Variants in RARB observed in about 807,000 individuals in gnomAD.
RARB encodes retinoic acid receptor beta.
In RARB, 17 loss-of-function variants were observed where a neutral mutation model predicts 51.9. The observed-to-expected ratio is 0.33, with a 90% CI of 0.22 to 0.49. The LOEUF (loss-of-function observed/expected upper bound fraction) is 0.49, where lower values mean the gene tolerates loss of function less well. Ranked by LOEUF, RARB falls within the 20% of genes least tolerant of loss-of-function variation. The pLI, the probability that RARB is intolerant of heterozygous loss-of-function variation, is 0.99. For synonymous variants in RARB, 215 were observed against 195.4 expected, an observed-to-expected ratio of 1.10 and a Z score of -0.84; for missense variants, 369 against 550.8, an observed-to-expected ratio of 0.67 and a Z score of 3.30.
chr3:24,890,036 G>A (rs1320715338), intron 2 of RARB, among the ~76,000 whole-genome samples: 1 of 152,100 alleles, frequency 6.6e-6, no homozygotes, highest in African/African-American at 2.4e-5. Context: ...GTAATTACAT[G>A]TATAGCAGCT....
At chr3:25,122,694 A>G (rs1185581278) in intron 3 of RARB, among the ~76,000 whole-genome samples, 1 of 152,166 alleles carries the variant, frequency 6.6e-6, no homozygotes, top group Non-Finnish European at 1.5e-5. Flanking sequence ...CACGGCAAGT[A>G]AGGCTGGAAA....
intron 5 of RARB, among the ~76,000 whole-genome samples, chr3:25,402,438 C>T (rs962633838): frequency 1.2e-4 from 18 of 152,342 alleles, no homozygotes; most frequent in Non-Finnish European, 2.2e-4. Context: ...TGTGATCTAG[C>T]AATCCCACTG....
At chr3:25,451,316 CTA>C (rs1014180371) in intron 1 of RARB, among the ~76,000 whole-genome samples, 4 of 152,220 alleles carry the variant, frequency 2.6e-5, no homozygotes, top group Non-Finnish European at 5.9e-5. Context: ...AAATAAAACT[CTA>C]TGGCCATTTG....
chr3:25,396,410 T>A (rs1707115545), intron 5 of RARB, among the ~76,000 whole-genome samples: 1 of 152,248 alleles, frequency 6.6e-6, no homozygotes, highest in Non-Finnish European at 1.5e-5. Context: ...TGGAATCAAC[T>A]GTTGTTTTCT....
At chr3:25,027,419 T>C (rs1294143072) in intron 2 of RARB, among the ~76,000 whole-genome samples, 1 of 151,840 alleles carries the variant, frequency 6.6e-6, no homozygotes, top group African/African-American at 2.4e-5. Context: ...AAATACATCT[T>C]CCCCCCCATA....
chr3:25,168,983 C>T (rs1425735844), intron 4 of RARB, among the ~76,000 whole-genome samples: 1 of 152,136 alleles, frequency 6.6e-6, no homozygotes, highest in Non-Finnish European at 1.5e-5. Context: ...GATCAGAAAT[C>T]TGAATAATAT....
At chr3:25,001,016 G>A (rs1257150945) in intron 2 of RARB, among the ~76,000 whole-genome samples, 1 of 151,898 alleles carries the variant, frequency 6.6e-6, no homozygotes, top group African/African-American at 2.4e-5. Flanking sequence ...ACCAAAACAT[G>A]GACTTGAGCC....
intron 5 of RARB, among the ~76,000 whole-genome samples, chr3:25,371,919 C>A (rs1350217063): frequency 6.6e-6 from 1 of 152,026 alleles, no homozygotes; most frequent in African/African-American, 2.4e-5. Flanking sequence ...AGGGAAGGCC[C>A]CACTGAGGAG....
intron 5 of RARB, among the ~76,000 whole-genome samples, chr3:25,224,825 G>A (rs536551567): frequency 3.3e-5 from 5 of 151,788 alleles, no homozygotes; most frequent in South Asian, 2.1e-4. Flanking sequence ...GGCTGGTCTC[G>A]GACTCCTAGG....
At chr3:25,249,378 T>G (rs947411777) in intron 5 of RARB, among the ~76,000 whole-genome samples, 1 of 152,156 alleles carries the variant, frequency 6.6e-6, no homozygotes, top group African/African-American at 2.4e-5. Flanking sequence ...TTCTCTTATA[T>G]CCCACTGAAC....
At chr3:25,036,660 A>C (rs1698000772) in intron 2 of RARB, among the ~76,000 whole-genome samples, 1 of 152,092 alleles carries the variant, frequency 6.6e-6, no homozygotes, top group South Asian at 2.1e-4. Flanking sequence ...CTTTGTGCCC[A>C]CACCAGTACC....
intron 2 of RARB, among the ~76,000 whole-genome samples, chr3:24,969,074 T>G (rs1696338556): frequency 6.6e-6 from 1 of 152,100 alleles, no homozygotes; most frequent in South Asian, 2.1e-4. Flanking sequence ...TCTGATACAA[T>G]ATTCATTTAG....
At chr3:25,484,859 A>G (rs1451842915) in intron 2 of RARB, among the ~76,000 whole-genome samples, 3 of 152,104 alleles carry the variant, frequency 2.0e-5, no homozygotes, top group Admixed American at 2.0e-4. Flanking sequence ...CTCCATTGTC[A>G]TATTTATGGA....
chr3:25,046,693 G>T (rs1005826492), intron 2 of RARB, among the ~76,000 whole-genome samples: 40 of 152,046 alleles, frequency 2.6e-4, no homozygotes, highest in African/African-American at 8.9e-4. Flanking sequence ...GTCCTCAAGT[G>T]ATCCTCCCAC....
chr3:25,172,783 G>A (rs144759854), intron 4 of RARB, among the ~76,000 whole-genome samples: 321 of 152,124 alleles, frequency 2.1e-3, no homozygotes, highest in Middle Eastern at 3.4e-3. Context: ...CTTACCAAGC[G>A]TTTACTATTT....
At chr3:25,214,987 G>A (rs939521038) in intron 5 of RARB, among the ~76,000 whole-genome samples, 1 of 152,172 alleles carries the variant, frequency 6.6e-6, no homozygotes, top group Admixed American at 6.5e-5. Flanking sequence ...AGGAAAGAAT[G>A]GGAATCAATA....
At chr3:24,893,691 T>A (rs1248671314) in intron 2 of RARB, among the ~76,000 whole-genome samples, 1 of 152,090 alleles carries the variant, frequency 6.6e-6, no homozygotes, top group Non-Finnish European at 1.5e-5. Context: ...CTGATTTTTT[T>A]TTTTTTTTAA....
At chr3:25,361,829 T>G (rs1183525675) in intron 5 of RARB, among the ~76,000 whole-genome samples, 2 of 152,204 alleles carry the variant, frequency 1.3e-5, no homozygotes, top group Non-Finnish European at 2.9e-5. Context: ...CAGCAAAGAT[T>G]GCTGCTTTCT....
At chr3:25,147,679 A>G (rs1460580610) in intron 4 of RARB, among the ~76,000 whole-genome samples, 3 of 152,202 alleles carry the variant, frequency 2.0e-5, no homozygotes, top group Non-Finnish European at 4.4e-5. Flanking sequence ...GATAGTAACT[A>G]TAAGCTGGTG....
Sources: gnomAD v4.1 joint callset for allele counts (sites outside exome capture counted in the v4.1 genomes callset) on GRCh38, gnomAD v4.1.1 for gene constraint, MANE v1.5 for transcripts, NCBI Gene and HGNC (gene_info 2026-07-23, HGNC 2026-07-21) for gene names.